Variants in G3BP2 observed in about 807,000 individuals in gnomAD.
G3BP2 encodes G3BP stress granule assembly factor 2, also known as ras GTPase-activating protein-binding protein 2.
In G3BP2, 11 loss-of-function variants were observed where a neutral mutation model predicts 56.7. The ratio of observed to expected loss-of-function variants is 0.19; its 90% confidence interval spans 0.12 to 0.32. The LOEUF (loss-of-function observed/expected upper bound fraction) is 0.32. Ranked by LOEUF, G3BP2 falls within the 10% of genes least tolerant of loss-of-function variation. The pLI, the probability that G3BP2 is intolerant of heterozygous loss-of-function variation, is 1.00. For missense variants in G3BP2, 340 were observed against 610.9 expected, an observed-to-expected ratio of 0.56 and a Z score of 4.67; for synonymous variants, 165 against 191.6, an observed-to-expected ratio of 0.86 and a Z score of 1.15.
chr4:75,697,764 T>C (rs1184691755), intron 3 of G3BP2, among the ~76,000 whole-genome samples: 3 of 152,012 alleles, frequency 2.0e-5, no homozygotes, highest in African/African-American at 7.3e-5. Context: ...CAAAACCCAA[T>C]CTCTACTAAA....
chr4:75,713,684 G>C (rs542501786), intron 3 of G3BP2, among the ~76,000 whole-genome samples: 44 of 152,320 alleles, frequency 2.9e-4, no homozygotes, highest in African/African-American at 1.0e-3. Flanking sequence ...AGCGACTCAG[G>C]AGGCTGAAGC....
intron 3 of G3BP2, among the ~76,000 whole-genome samples, chr4:75,705,996 C>A (rs749303653): frequency 1.3e-5 from 2 of 152,118 alleles, no homozygotes; most frequent in African/African-American, 2.4e-5. Flanking sequence ...TATACACACA[C>A]ATAACATTAT....
At chr4:75,683,368 C>A (rs982286082) in intron 3 of G3BP2, among the ~76,000 whole-genome samples, 1 of 152,056 alleles carries the variant, frequency 6.6e-6, no homozygotes, top group African/African-American at 2.4e-5. Context: ...TTGAGACCAG[C>A]CTGGCCAACG....
intron 3 of G3BP2, among the ~76,000 whole-genome samples, chr4:75,702,258 T>G (rs1719377240): frequency 6.8e-6 from 1 of 147,854 alleles, no homozygotes; most frequent in African/African-American, 2.5e-5. Context: ...TTACTGTAAT[T>G]TCCATCTCCC....
chr4:75,669,153 A>C (rs1369168018), intron 1 of G3BP2, among the ~76,000 whole-genome samples: 1 of 152,166 alleles, frequency 6.6e-6, no homozygotes, highest in Non-Finnish European at 1.5e-5. Flanking sequence ...CTAACCTGGC[A>C]ATTTCAGCTT....
intron 11 of G3BP2, 31 bp from the exon 12 acceptor site, chr4:75,645,733 GGGCAGGTTA>G: frequency 6.3e-7 from 1 of 1,594,926 alleles, no homozygotes; most frequent in South Asian, 1.1e-5. Flanking sequence ...ATATTTACAT[GGGCAGGTTA>G]GACAGCAATA....
At chr4:75,722,008 T>C (rs1720196300) in intron 2 of G3BP2, among the ~76,000 whole-genome samples, 1 of 152,114 alleles carries the variant, frequency 6.6e-6, no homozygotes, top group African/African-American at 2.4e-5. Context: ...ACTCAGGTAG[T>C]TCCTGAGCAT....
intron 11 of G3BP2, among the ~76,000 whole-genome samples, chr4:75,646,114 T>G (rs1236316454): frequency 6.6e-6 from 1 of 152,144 alleles, no homozygotes; most frequent in Non-Finnish European, 1.5e-5. Flanking sequence ...CAGCCAAAAT[T>G]CTTAACATGC....
chr4:75,722,390 T>A (rs1720209886), intron 1 of G3BP2, among the ~76,000 whole-genome samples: 1 of 152,194 alleles, frequency 6.6e-6, no homozygotes, highest in Non-Finnish European at 1.5e-5. Context: ...AACAGGACAT[T>A]TGACAAGGCT....
chr4:75,655,230 G>C lies in G3BP2; in HGVS notation c.562C>G (p.Pro188Ala). ...AHPVTNGIEE[P>A]LEESSHEPEP... ...GGTTCATGAGAGGATTCTTCCAAAG[G>C]CTCCTCTATGCCATTACTACAATAA... The change falls in exon 7 of 12, where the codon CCT becomes GCT. Residue 188 changes from proline (P) to alanine (A), a missense_variant. Physicochemically the swap from Pro to Ala is conservative, Grantham distance 27. This residue lies in a region of G3BP2 where 224 missense variants were observed against 332.5 expected (regional missense o/e 0.67). Transcript: ENST00000359707. 1 of 1,609,438 alleles carries C rather than the reference G, an allele frequency of 6.2e-7. No homozygotes were observed. The highest frequency in any genetic ancestry group is 8.5e-7 in the Non-Finnish European group (1 of 1,176,542).
chr4:75,678,296 TTGTGTGTGTGTGTGTGTGTGTGTGTG>T, upstream of G3BP2, among the ~76,000 whole-genome samples: 1 of 144,570 alleles, frequency 6.9e-6, no homozygotes, highest in Admixed American at 7.0e-5. Context: ...CGTGCCTAGC[TTGTGTGTGTGTGTGTGTGTGTGTGTG>T]TGTGTGTGTG....
upstream of G3BP2, among the ~76,000 whole-genome samples, chr4:75,676,506 C>T (rs1418929440): frequency 6.6e-6 from 1 of 152,096 alleles, no homozygotes; most frequent in Non-Finnish European, 1.5e-5. Flanking sequence ...CCACGCCCAT[C>T]TAATTTTTCT....
intron 1 of G3BP2, chr4:75,724,192 A>G (rs975616433): frequency 3.3e-5 from 5 of 152,794 alleles, no homozygotes; most frequent in African/African-American, 1.2e-4. Flanking sequence ...AAGAAATGCA[A>G]TTTACCGGGA....
chr4:75,674,718 ATT>A (rs71203842), upstream of G3BP2, among the ~76,000 whole-genome samples: 1,578 of 71,254 alleles, frequency 0.022, 58 homozygotes, highest in African/African-American at 0.08. Flanking sequence ...ATATATATAT[ATT>A]TTTTTTTTTT....
intron 3 of G3BP2, among the ~76,000 whole-genome samples, chr4:75,692,768 G>A (rs1261675067): frequency 6.6e-6 from 1 of 152,104 alleles, no homozygotes; most frequent in East Asian, 1.9e-4. Flanking sequence ...CTAGATAATG[G>A]GCTATGAAGA....
chr4:75,653,587 T>TG (rs1731865722), intron 8 of G3BP2, among the ~76,000 whole-genome samples: 1 of 113,112 alleles, frequency 8.8e-6, no homozygotes, highest in African/African-American at 4.7e-5. Context: ...TTTTTTTTGC[T>TG]TTAAAAAAAA....
chr4:75,707,554 G>A (rs1335463638), intron 3 of G3BP2, among the ~76,000 whole-genome samples: 9 of 148,556 alleles, frequency 6.1e-5, no homozygotes, highest in Non-Finnish European at 5.9e-5. Flanking sequence ...AGGTTGCAGT[G>A]AGCCGAGACT....
intron 1 of G3BP2, 114 bp from the exon 2 acceptor site, chr4:75,662,163 A>G (rs1238045300): frequency 1.3e-5 from 8 of 615,390 alleles, no homozygotes; most frequent in Non-Finnish European, 2.4e-5. Context: ...TACCAATTTT[A>G]GTGACACTAA....
intron 3 of G3BP2, among the ~76,000 whole-genome samples, chr4:75,704,837 T>A (rs1719483170): frequency 6.6e-6 from 1 of 152,110 alleles, no homozygotes; most frequent in South Asian, 2.1e-4. Flanking sequence ...TTTGCCGTGT[T>A]GGCCAGGCTG....
Sources: gnomAD v4.1 joint callset for allele counts (sites outside exome capture counted in the v4.1 genomes callset) on GRCh38, gnomAD v4.1.1 for gene constraint, gnomAD v4.1.1 regional missense constraint, MANE v1.5 for transcripts, NCBI Gene and HGNC (gene_info 2026-07-23, HGNC 2026-07-21) for gene names.